OSMR: variants seen among roughly 807,000 people sequenced by gnomAD.
OSMR encodes oncostatin M receptor.
In OSMR, 81 loss-of-function variants were observed where a neutral mutation model predicts 99.9. That is an observed-to-expected ratio of 0.81 (90% CI 0.68 to 0.97). OSMR has a LOEUF of 0.97. Ranked by LOEUF, OSMR falls within the 50% of genes least tolerant of loss-of-function variation. The pLI, the probability that OSMR is intolerant of heterozygous loss-of-function variation, is 0.00. For missense variants in OSMR, 1,099 were observed against 1,153.4 expected (o/e 0.95, Z 0.68); for synonymous variants, 406 against 410.4 (o/e 0.99, Z 0.13).
At chr5:38,939,613 G>T (rs2082915513), downstream of OSMR, 1 of 230,634 alleles carries the variant, frequency 4.3e-6, no homozygotes, top group South Asian at 1.8e-4. Context: ...AGTTCAATTA[G>T]AAATAACAAT....
chr5:38,901,102 C>T (rs534071753), intron 7 of OSMR, among the ~76,000 whole-genome samples: 14 of 152,290 alleles, frequency 9.2e-5, no homozygotes, highest in South Asian at 4.1e-4. Flanking sequence ...AGGCGGCTGG[C>T]GTGGCCATTG....
intron 7 of OSMR, among the ~76,000 whole-genome samples, chr5:38,894,945 C>T (rs1363238938): frequency 6.6e-6 from 1 of 151,360 alleles, no homozygotes; most frequent in Non-Finnish European, 1.5e-5. Flanking sequence ...CAAGATTAAC[C>T]AGATGCTCGG....
intron 1 of OSMR, among the ~76,000 whole-genome samples, chr5:38,848,038 C>T (rs1353583926): frequency 2.0e-5 from 3 of 152,094 alleles, no homozygotes; most frequent in African/African-American, 7.2e-5. Context: ...AGGACAAAAC[C>T]GAATCAGGAG....
intron 7 of OSMR, among the ~76,000 whole-genome samples, chr5:38,902,544 C>T (rs1744962386): frequency 1.3e-5 from 2 of 152,244 alleles, no homozygotes; most frequent in Admixed American, 1.3e-4. Flanking sequence ...CCACAAAAGT[C>T]TGAATTTTCT....
intron 1 of OSMR, chr5:38,942,779 C>A: frequency 7.1e-7 from 1 of 1,400,612 alleles, no homozygotes. Flanking sequence ...TAATTCAATT[C>A]AAACACAGAA....
chr5:38,869,230 T>G, intron 2 of OSMR, 113 bp downstream of exon 2: 1 of 852,858 alleles, frequency 1.2e-6, no homozygotes, highest in Non-Finnish European at 2.0e-6. Flanking sequence ...TACTTAAAAT[T>G]CCTGAGTATC....
intron 2 of OSMR, among the ~76,000 whole-genome samples, chr5:38,870,878 T>C (rs1038672515): frequency 1.3e-5 from 2 of 152,204 alleles, no homozygotes; most frequent in African/African-American, 4.8e-5. Context: ...ACAGTGGGCA[T>C]ACTTTGGGTT....
intron 7 of OSMR, among the ~76,000 whole-genome samples, chr5:38,890,701 A>T (rs1028319781): frequency 1.3e-5 from 2 of 152,130 alleles, no homozygotes; most frequent in African/African-American, 4.8e-5. Context: ...ACTCAAGTGA[A>T]AAAGTCAATA....
chr5:38,933,799 G>T lies in OSMR; in HGVS notation c.*355G>T, dbSNP rs141516133. On this transcript the variant is annotated 3_prime_UTR_variant, in exon 18 of 18. Coordinates refer to ENST00000274276, the MANE Select transcript of OSMR (RefSeq NM_003999.3). Reference sequence around the variant, plus strand: ...GGGTGGCTGTGGTCCTAGAAGTTCAGTTTTTACTGAGGAAATATTTCCATT... The same window carrying T: ...GGGTGGCTGTGGTCCTAGAAGTTCATTTTTTACTGAGGAAATATTTCCATT... 399 of 218,182 alleles carry T rather than the reference G, an allele frequency of 1.8e-3. 2 individuals carry two copies. The highest frequency in any genetic ancestry group is 8.3e-3 in the Middle Eastern group (5 of 602). 13.5% of individuals were successfully genotyped at this position (218,182 alleles called of 1,614,324 possible).
intron 7 of OSMR, among the ~76,000 whole-genome samples, chr5:38,900,382 C>G (rs1351829723): frequency 1.3e-5 from 2 of 152,190 alleles, no homozygotes; most frequent in African/African-American, 2.4e-5. Context: ...AAGCCAGGTA[C>G]TGTGAGTGCC....
At chr5:38,890,743 G>GA (rs754680765) in intron 7 of OSMR, among the ~76,000 whole-genome samples, 3 of 151,944 alleles carry the variant, frequency 2.0e-5, no homozygotes, top group Non-Finnish European at 2.9e-5. Flanking sequence ...AAGAAGAAAA[G>GA]AAAAAAGAGA....
At chr5:38,873,631 T>C (rs1220503284) in intron 2 of OSMR, among the ~76,000 whole-genome samples, 1 of 152,148 alleles carries the variant, frequency 6.6e-6, no homozygotes, top group African/African-American at 2.4e-5. Flanking sequence ...TTTCTCCACA[T>C]CCTCGCCAAC....
intron 7 of OSMR, among the ~76,000 whole-genome samples, chr5:38,895,910 C>T (rs944237664): frequency 6.6e-6 from 1 of 151,884 alleles, no homozygotes; most frequent in African/African-American, 2.4e-5. Flanking sequence ...AAGAGACTGT[C>T]CTTTCCCCAG....
chr5:38,922,710 T>C (rs1386331248), intron 12 of OSMR, among the ~76,000 whole-genome samples: 1 of 152,066 alleles, frequency 6.6e-6, no homozygotes, highest in African/African-American at 2.4e-5. Context: ...GGGAATATCG[T>C]GGGGATGAAA....
intron 7 of OSMR, among the ~76,000 whole-genome samples, chr5:38,887,490 GCCA>G (rs1743860275): frequency 6.6e-6 from 1 of 152,056 alleles, no homozygotes; most frequent in Non-Finnish European, 1.5e-5. Flanking sequence ...GATCTGACAT[GCCA>G]CCTCTTTCAC....
chr5:38,901,096 G>A (rs1025564990), intron 7 of OSMR, among the ~76,000 whole-genome samples: 4 of 152,208 alleles, frequency 2.6e-5, no homozygotes, highest in Non-Finnish European at 5.9e-5. Context: ...TGAGTAAGGC[G>A]GCTGGCGTGG....
At position 38,904,357 on chromosome 5, in the gene OSMR, A is replaced by G. The variant is rs1459875288; in HGVS notation, c.1139A>G (p.Asn380Ser). 1.2e-6 allele frequency: 2 copies of G among 1,613,914 alleles called. No individual in the cohort carries two copies. The highest frequency in any genetic ancestry group is 2.2e-5 in the East Asian group (1 of 44,866). The part of the protein sequence containing the change: ...LHGEGKMMQY[N>S]VSIKVNGEYF... ...TTCTCTTTTTTGATCAAGCAGTACA[A>G]TGTTTCCATCAAGGTGAACGGTGAG... The change falls in exon 9 of 18, where the codon AAT becomes AGT. Residue 380 changes from asparagine to serine, a missense_variant. Physicochemically the swap from Asn to Ser is conservative, Grantham distance 46. Coordinates refer to ENST00000274276, the MANE Select transcript of OSMR (RefSeq NM_003999.3).
chr5:38,857,565 G>A (rs947232335), intron 1 of OSMR, among the ~76,000 whole-genome samples: 6 of 152,094 alleles, frequency 3.9e-5, no homozygotes, highest in African/African-American at 1.4e-4. Context: ...TTCAGTGTAT[G>A]TATACATTGT....
At chr5:38,871,193 C>A (rs1436387669) in intron 2 of OSMR, among the ~76,000 whole-genome samples, 1 of 152,216 alleles carries the variant, frequency 6.6e-6, no homozygotes, top group African/African-American at 2.4e-5. Context: ...TTCAGCCCAG[C>A]TCATTCTCTA....
Sources: gnomAD v4.1 joint callset for allele counts (sites outside exome capture counted in the v4.1 genomes callset) on GRCh38, gnomAD v4.1.1 for gene constraint, MANE v1.5 for transcripts, NCBI Gene and HGNC (gene_info 2026-07-23, HGNC 2026-07-21) for gene names.